The following NEDD4L variants were observed in gnomAD, a reference collection of about 807,000 sequenced individuals.
NEDD4L encodes NEDD4 like E3 ubiquitin protein ligase, also known as E3 ubiquitin-protein ligase NEDD4-like.
Under a neutral mutation model 148.9 loss-of-function variants are expected in NEDD4L, and 54 were observed. The ratio of observed to expected loss-of-function variants is 0.36; its 90% CI spans 0.29 to 0.45. The LOEUF (loss-of-function observed/expected upper bound fraction) is 0.45. Among genes scored for constraint, NEDD4L ranks in the 20% least tolerant of loss-of-function variants. NEDD4L has a pLI of 1.00. For synonymous variants in NEDD4L, 433 were observed against 440.7 expected, an observed-to-expected ratio of 0.98 and a Z score of 0.22; for missense variants, 856 against 1,233.8, an observed-to-expected ratio of 0.69 and a Z score of 4.59.
intron 5 of NEDD4L, among the ~76,000 whole-genome samples, chr18:58,306,260 G>T (rs2057043671): frequency 6.6e-6 from 1 of 151,392 alleles, no homozygotes; most frequent in African/African-American, 2.4e-5. Context: ...AGTTTGAAGA[G>T]CTCTGCTTTA....
chr18:58,072,859 C>T lies in NEDD4L; in HGVS notation c.48+28151C>T, dbSNP rs996077397. ...ATCTTGTATATAGAAAATCCTAAGG[C>T]GCGCGCGCGCGCGCACACACACACA... On this transcript the variant is annotated intron_variant, in intron 1 of 30. Transcript: ENST00000400345. 1.2e-4 allele frequency among the ~76,000 whole-genome samples: 15 copies of T among 129,624 alleles called. No homozygotes were observed. In the East Asian group the frequency reaches 1.9e-3, roughly 17 times the overall value. 85.0% of individuals were successfully genotyped at this position (129,624 alleles called of 152,430 possible).
intron 1 of NEDD4L, among the ~76,000 whole-genome samples, chr18:58,060,725 C>T (rs2082294975): frequency 6.6e-6 from 1 of 151,860 alleles, no homozygotes. Context: ...CTGTCTTGCA[C>T]CCTTCCTTCT....
intron 2 of NEDD4L, chr18:58,221,799 A>T (rs934106584): frequency 1.2e-6 from 1 of 801,452 alleles, no homozygotes; most frequent in African/African-American, 1.9e-5. Context: ...ATATGAATGC[A>T]TAACATCTGT....
chr18:58,108,025 G>T (rs374832055), intron 1 of NEDD4L, among the ~76,000 whole-genome samples: 8 of 152,230 alleles, frequency 5.3e-5, no homozygotes, highest in African/African-American at 1.9e-4. Flanking sequence ...CAGCTGGAAA[G>T]GACTTTTTGT....
chr18:58,390,428 G>T (rs1249973157), intron 28 of NEDD4L: 7 of 451,372 alleles, frequency 1.6e-5, no homozygotes, highest in Non-Finnish European at 2.8e-5. Flanking sequence ...TGGCCTATTG[G>T]CAGAAGAAGA....
intron 1 of NEDD4L, among the ~76,000 whole-genome samples, chr18:58,078,691 G>C (rs995975724): frequency 1.2e-4 from 19 of 152,176 alleles, no homozygotes; most frequent in African/African-American, 4.3e-4. Context: ...AAAGCTTACA[G>C]AAATAAAGGG....
intron 2 of NEDD4L, among the ~76,000 whole-genome samples, chr18:58,188,156 G>A (rs1473917788): frequency 6.6e-6 from 1 of 152,164 alleles, no homozygotes; most frequent in Non-Finnish European, 1.5e-5. Flanking sequence ...CAGGACCTGT[G>A]CCTGATGCCC....
intron 2 of NEDD4L, among the ~76,000 whole-genome samples, chr18:58,222,173 G>GA (rs2147949168): frequency 6.6e-6 from 1 of 152,318 alleles, no homozygotes; most frequent in African/African-American, 2.4e-5. Context: ...GGTTGAGGAG[G>GA]AAAGAATTGT....
At chr18:58,342,070 C>G (rs1306383627) in intron 15 of NEDD4L, among the ~76,000 whole-genome samples, 1 of 152,242 alleles carries the variant, frequency 6.6e-6, no homozygotes, top group Non-Finnish European at 1.5e-5. Flanking sequence ...AGGACTTCCA[C>G]CGTTCTTGTT....
At chr18:58,082,094 A>ATTTTTTTT (rs1568189031) in intron 1 of NEDD4L, among the ~76,000 whole-genome samples, 1 of 76,866 alleles carries the variant, frequency 1.3e-5, no homozygotes, top group African/African-American at 9.4e-5. Flanking sequence ...ATATATATAT[A>ATTTTTTTT]TATATATATT....
At chr18:58,124,030 C>G (rs375279475) in intron 1 of NEDD4L, among the ~76,000 whole-genome samples, 53 of 152,310 alleles carry the variant, frequency 3.5e-4, no homozygotes, top group African/African-American at 1.2e-3. Context: ...TGCCACGTCC[C>G]TCTTGGCCAC....
rs978303764 is a variant in NEDD4L, at chr18:58,401,457, G to T, written c.*5188G>T. 6.6e-6 allele frequency: 1 copy of T among 152,164 alleles called. No individual in the cohort carries two copies. The highest frequency in any genetic ancestry group is 2.4e-5 in the African/African-American group (1 of 41,440). 9.4% of individuals were successfully genotyped at this position (152,164 alleles called of 1,614,324 possible). On this transcript the variant is annotated 3_prime_UTR_variant, in exon 31 of 31. Coordinates refer to ENST00000400345, the MANE Select transcript of NEDD4L (RefSeq NM_001144967.3). ...GTTTTCCTGACAGCAAAAGACTAAT[G>T]TGACAAAATGAAGTCATTGTAAAGA...
intron 1 of NEDD4L, among the ~76,000 whole-genome samples, chr18:58,137,935 T>A: frequency 6.6e-6 from 1 of 152,188 alleles, no homozygotes; most frequent in East Asian, 1.9e-4. Context: ...GTCAGCCTCT[T>A]TTCAGTGTGC....
intron 2 of NEDD4L, among the ~76,000 whole-genome samples, chr18:58,204,597 C>A (rs1487952279): frequency 6.6e-6 from 1 of 152,128 alleles, no homozygotes; most frequent in Non-Finnish European, 1.5e-5. Context: ...AATGAGCAGG[C>A]GTCTAAGTAA....
chr18:58,231,516 G>C (rs761369043), intron 2 of NEDD4L, among the ~76,000 whole-genome samples: 1 of 152,096 alleles, frequency 6.6e-6, no homozygotes. Flanking sequence ...GAAGATACTA[G>C]ATTGACCTGT....
At chr18:58,140,376 G>A (rs972020485) in intron 1 of NEDD4L, among the ~76,000 whole-genome samples, 2 of 152,242 alleles carry the variant, frequency 1.3e-5, no homozygotes, top group Non-Finnish European at 2.9e-5. Flanking sequence ...TACATAATGT[G>A]TTCCCTTGTC....
At chr18:58,076,939 C>T (rs186333105) in intron 1 of NEDD4L, among the ~76,000 whole-genome samples, 7 of 151,102 alleles carry the variant, frequency 4.6e-5, no homozygotes, top group Admixed American at 4.6e-4. Context: ...CAACCACTGC[C>T]TCCTGGATTC....
chr18:58,327,896 A>G (rs1186956705), intron 9 of NEDD4L, among the ~76,000 whole-genome samples: 1 of 151,694 alleles, frequency 6.6e-6, no homozygotes, highest in African/African-American at 2.4e-5. Flanking sequence ...TCTGACTAGT[A>G]TTTCCCCCAA....
At chr18:58,280,491 C>A (rs7233436) in intron 5 of NEDD4L, among the ~76,000 whole-genome samples, 6 of 151,858 alleles carry the variant, frequency 4.0e-5, no homozygotes, top group Non-Finnish European at 8.8e-5. Flanking sequence ...AGGCTGGGTG[C>A]GAAGACCAGA....
Sources: allele counts gnomAD v4.1 joint callset (sites outside exome capture counted in the v4.1 genomes callset), GRCh38; gene constraint gnomAD v4.1.1; transcripts MANE v1.5; gene names NCBI Gene and HGNC (gene_info 2026-07-23, HGNC 2026-07-21).